The following GPC3 variants were observed in gnomAD, a reference collection of about 807,000 sequenced individuals.
The protein encoded by GPC3 is glypican-3.
GPC3 carries 3 observed loss-of-function variants against 34.4 expected under a neutral mutation model. That is an observed-to-expected ratio of 0.09 (90% confidence interval 0.04 to 0.23). The LOEUF (loss-of-function observed/expected upper bound fraction) is 0.23, where lower values mean the gene tolerates loss of function less well. GPC3 is among the 10% of genes least tolerant of loss of function. The pLI is 1.00. For synonymous variants in GPC3, 177 were observed against 174.0 expected, an observed-to-expected ratio of 1.02 and a Z score of -0.13; for missense variants, 351 against 445.6, an observed-to-expected ratio of 0.79 and a Z score of 1.91.
At chrX:133,881,897 CAATATAAAGG>C (rs1400414360) in intron 2 of GPC3, among the ~76,000 whole-genome samples, 1 of 112,401 alleles carries the variant, frequency 8.9e-6, no homozygotes, top group African/African-American at 3.2e-5. Context: ...TGCTGGTTTT[CAATATAAAGG>C]ATGAAACAGG....
chrX:133,582,236 G>T (rs552415669), intron 7 of GPC3, among the ~76,000 whole-genome samples: 1 of 112,350 alleles, frequency 8.9e-6, no homozygotes, highest in Non-Finnish European at 1.9e-5. Flanking sequence ...TTGTTTGGTA[G>T]AATTTATTTC....
At chrX:133,908,732 TA>T (rs746596685) in intron 2 of GPC3, among the ~76,000 whole-genome samples, 487 of 105,814 alleles carry the variant, frequency 4.6e-3, no homozygotes, top group South Asian at 0.027. Flanking sequence ...TGTTTTTGCT[TA>T]AAAAAAAAAA....
chrX:133,963,139 A>G (rs1316616537), intron 1 of GPC3, among the ~76,000 whole-genome samples: 1 of 112,449 alleles, frequency 8.9e-6, no homozygotes, highest in Admixed American at 9.4e-5. Flanking sequence ...ATGAATACGG[A>G]TATGGGGCTA....
At chrX:133,702,082 C>A (rs1223003820) in intron 3 of GPC3, among the ~76,000 whole-genome samples, 1 of 112,100 alleles carries the variant, frequency 8.9e-6, no homozygotes, top group African/African-American at 3.2e-5. Context: ...TCAAACGAAG[C>A]GTGTGCATTC....
intron 2 of GPC3, among the ~76,000 whole-genome samples, chrX:133,891,373 G>C (rs1231601823): frequency 4.5e-5 from 5 of 111,399 alleles, no homozygotes; most frequent in African/African-American, 1.6e-4. Context: ...TGTGGTGATA[G>C]CTACAAAATT....
intron 2 of GPC3, among the ~76,000 whole-genome samples, chrX:133,768,889 G>A (rs2071882105): frequency 9.1e-6 from 1 of 110,199 alleles, no homozygotes; most frequent in South Asian, 3.9e-4. Flanking sequence ...GCAGTGAGCC[G>A]AGATTGAGCC....
chrX:133,891,828 A>G (rs1485194353), intron 2 of GPC3, among the ~76,000 whole-genome samples: 1 of 107,548 alleles, frequency 9.3e-6, no homozygotes, highest in Non-Finnish European at 1.9e-5. Flanking sequence ...ATTCTGAGGC[A>G]TGCTAAAAAT....
chrX:133,972,207 T>TG (rs1354441735), intron 1 of GPC3, among the ~76,000 whole-genome samples: 1 of 112,273 alleles, frequency 8.9e-6, no homozygotes, highest in Non-Finnish European at 1.9e-5. Flanking sequence ...CAGAATACCA[T>TG]GGGGAAAATA....
chrX:133,941,446 G>C (rs1231669833), intron 2 of GPC3, among the ~76,000 whole-genome samples: 1 of 112,703 alleles, frequency 8.9e-6, no homozygotes, highest in Non-Finnish European at 1.9e-5. Flanking sequence ...AGACTGATAA[G>C]TGCCAAGGGA....
chrX:133,575,064 C>CA (rs2069666433), intron 7 of GPC3, among the ~76,000 whole-genome samples: 1 of 111,671 alleles, frequency 9.0e-6, no homozygotes, highest in Admixed American at 9.5e-5. Flanking sequence ...CCTTTGGAGC[C>CA]AAAAAGGCAT....
chrX:133,791,458 T>C (rs1274255094), intron 2 of GPC3, among the ~76,000 whole-genome samples: 1 of 111,900 alleles, frequency 8.9e-6, no homozygotes, highest in Non-Finnish European at 1.9e-5. Context: ...TTCATGTTTG[T>C]GTGGCCCCTG....
At chrX:133,639,055 T>C (rs944695404) in intron 6 of GPC3, among the ~76,000 whole-genome samples, 7 of 110,930 alleles carry the variant, frequency 6.3e-5, no homozygotes, top group African/African-American at 2.3e-4. Context: ...CCCAACCTCA[T>C]CTCCCAGAAT....
At chrX:133,569,032 G>C (rs1054075687) in intron 7 of GPC3, among the ~76,000 whole-genome samples, 2 of 110,913 alleles carry the variant, frequency 1.8e-5, no homozygotes, top group African/African-American at 6.6e-5. Flanking sequence ...CATGGGCGTG[G>C]TGGCGATGCC....
At chrX:133,772,772 C>T (rs1192343070) in intron 2 of GPC3, among the ~76,000 whole-genome samples, 1 of 111,728 alleles carries the variant, frequency 9.0e-6, no homozygotes, top group African/African-American at 3.3e-5. Flanking sequence ...GTGCCCCTCA[C>T]ATTTTATTAA....
intron 1 of GPC3, among the ~76,000 whole-genome samples, chrX:133,954,348 G>T (rs913918749): frequency 2.7e-5 from 3 of 112,232 alleles, no homozygotes; most frequent in East Asian, 2.8e-4. Context: ...CTCAATAAAG[G>T]TGTCAATTGT....
intron 2 of GPC3, among the ~76,000 whole-genome samples, chrX:133,909,587 A>T (rs1426520054): frequency 8.9e-6 from 1 of 111,967 alleles, no homozygotes; most frequent in Non-Finnish European, 1.9e-5. Context: ...GAATAATTTC[A>T]TATGAAAAAC....
chrX:133,764,496 A>G (rs779101935), intron 2 of GPC3, among the ~76,000 whole-genome samples: 9 of 111,922 alleles, frequency 8.0e-5, no homozygotes, highest in Non-Finnish European at 1.5e-4. Flanking sequence ...CACATCTTAA[A>G]AATGTGAGTC....
At chrX:133,918,930 G>A (rs751104784) in intron 2 of GPC3, among the ~76,000 whole-genome samples, 9 of 111,847 alleles carry the variant, frequency 8.0e-5, no homozygotes, top group East Asian at 2.8e-4. Flanking sequence ...CGACAGAAGC[G>A]GAAAGAACCA....
intron 6 of GPC3, among the ~76,000 whole-genome samples, chrX:133,605,196 C>A (rs1448828602): frequency 9.1e-6 from 1 of 109,502 alleles, no homozygotes. Context: ...TAAAGTATAG[C>A]AGTTAAGGGC....
Sources: gnomAD v4.1 joint callset for allele counts (sites outside exome capture counted in the v4.1 genomes callset) on GRCh38, gnomAD v4.1.1 for gene constraint, MANE v1.5 for transcripts, NCBI Gene and HGNC (gene_info 2026-07-23, HGNC 2026-07-21) for gene names.